Variants in ZFYVE1 observed in about 807,000 individuals in gnomAD.
ZFYVE1 encodes the protein zinc finger FYVE domain-containing protein 1.
ZFYVE1 carries 30 observed loss-of-function variants against 74.4 expected under a neutral mutation model. The ratio of observed to expected loss-of-function variants is 0.40; its 90% CI spans 0.30 to 0.55. The LOEUF (loss-of-function observed/expected upper bound fraction) is 0.55, where lower values mean the gene tolerates loss of function less well. Ranked by LOEUF, ZFYVE1 falls within the 20% of genes least tolerant of loss-of-function variation. ZFYVE1 has a pLI of 0.42. For synonymous variants in ZFYVE1, 335 were observed against 385.1 expected, an observed-to-expected ratio of 0.87 and a Z score of 1.52; for missense variants, 703 against 1,011.6, an observed-to-expected ratio of 0.69 and a Z score of 4.14.
At position 73,024,479 on chromosome 14, in the gene ZFYVE1, C is replaced by G. The variant is rs377064535; in HGVS notation, c.30G>C (p.Lys10Asn). ...GGCACATCAGCCCCGGATTCAGGCCCTTCTCTGCTGGGGAAGTCTGGGCAC... is the reference window on the plus strand; with the variant it reads ...GGCACATCAGCCCCGGATTCAGGCCGTTCTCTGCTGGGGAAGTCTGGGCAC... MSAQTSPAE[K>N]GLNPGLMCQE... is the part of the protein sequence containing the mutation. The change falls in exon 2 of 12, where the codon AAG (lysine) becomes AAC (asparagine). Residue 10 changes from lysine (K) to asparagine (N), a missense_variant. Lys to Asn is a moderately conservative substitution (Grantham distance 94). Coordinates refer to ENST00000556143, the MANE Select transcript of ZFYVE1 (RefSeq NM_021260.4). 5 of 1,610,852 alleles carry G rather than the reference C, an allele frequency of 3.1e-6. No individual in the cohort carries two copies. The South Asian group carries it at 4.4e-5, about 14-fold the overall frequency.
chr14:73,001,295 T>A (rs777748411), intron 2 of ZFYVE1, among the ~76,000 whole-genome samples: 7 of 152,224 alleles, frequency 4.6e-5, no homozygotes, highest in Non-Finnish European at 8.8e-5. Flanking sequence ...TTGGAAATTG[T>A]GTCCTGAATC....
intron 2 of ZFYVE1, among the ~76,000 whole-genome samples, chr14:73,022,831 C>T (rs1325765043): frequency 6.6e-6 from 1 of 152,112 alleles, no homozygotes; most frequent in Non-Finnish European, 1.5e-5. Context: ...TCTGTACTCC[C>T]AGATGCCCCT....
At chr14:72,981,767 G>A (rs772313820) in intron 5 of ZFYVE1, 22 bp downstream of exon 5, 1 of 1,608,630 alleles carries the variant, frequency 6.2e-7, no homozygotes, top group Admixed American at 1.7e-5. Flanking sequence ...GGGGTGGGAG[G>A]TGGGGGAGCG....
At chr14:72,973,213 G>C (rs1041098045) in intron 11 of ZFYVE1, among the ~76,000 whole-genome samples, 1 of 150,970 alleles carries the variant, frequency 6.6e-6, no homozygotes, top group African/African-American at 2.4e-5. Flanking sequence ...CTTCAGCCAG[G>C]CACAGTGGCT....
intron 2 of ZFYVE1, among the ~76,000 whole-genome samples, chr14:73,005,326 G>A (rs1403171071): frequency 2.6e-5 from 4 of 152,132 alleles, no homozygotes; most frequent in African/African-American, 7.2e-5. Context: ...TACTTGTTCG[G>A]CTTGTCTACA....
At chr14:73,006,607 C>T (rs1017825305) in intron 2 of ZFYVE1, among the ~76,000 whole-genome samples, 1 of 151,716 alleles carries the variant, frequency 6.6e-6, no homozygotes, top group Non-Finnish European at 1.5e-5. Flanking sequence ...GCACCTCCCT[C>T]TCTCCCTCCA....
At chr14:73,004,993 CAA>C (rs34755612) in intron 2 of ZFYVE1, among the ~76,000 whole-genome samples, 24 of 116,718 alleles carry the variant, frequency 2.1e-4, no homozygotes, top group Admixed American at 2.8e-4. Context: ...GACCCCGTCT[CAA>C]AAAAAAAAAA....
intron 2 of ZFYVE1, among the ~76,000 whole-genome samples, chr14:73,009,095 T>C (rs1894036873): frequency 6.6e-6 from 1 of 152,088 alleles, no homozygotes; most frequent in African/African-American, 2.4e-5. Flanking sequence ...CAAGACACAA[T>C]TGATCAATAA....
intron 5 of ZFYVE1, among the ~76,000 whole-genome samples, chr14:72,981,350 T>A (rs1452159446): frequency 6.6e-6 from 1 of 152,118 alleles, no homozygotes; most frequent in Non-Finnish European, 1.5e-5. Flanking sequence ...GTGAAAGGAA[T>A]CACCTGGAAT....
At chr14:73,014,966 G>A (rs893151532) in intron 2 of ZFYVE1, among the ~76,000 whole-genome samples, 3 of 152,046 alleles carry the variant, frequency 2.0e-5, no homozygotes, top group Non-Finnish European at 4.4e-5. Context: ...CGGGTGCAGT[G>A]GCTCATGCCT....
intron 2 of ZFYVE1, among the ~76,000 whole-genome samples, chr14:73,023,080 G>T (rs1007587698): frequency 6.7e-6 from 1 of 149,804 alleles, no homozygotes; most frequent in African/African-American, 2.5e-5. Flanking sequence ...AAAATCGCTT[G>T]AATCCAGGAA....
Position 73,024,559 on chromosome 14 carries a change from C to G in ZFYVE1, c.-51G>C, listed in dbSNP as rs2140394718. ...CACCATATAATAGTCACTGAGCTTG[C>G]CCCGGGGGTGAAGACGAAGATTTGA... is the stretch of plus-strand genomic sequence containing the variant. On this transcript the variant is annotated 5_prime_UTR_variant, in exon 2 of 12. Transcript: ENST00000556143. 1.3e-6 allele frequency: 2 copies of G among 1,527,016 alleles called. No homozygotes were observed. Among genetic ancestry groups the G allele is most frequent in the Non-Finnish European group, 1.8e-6 (2 of 1,138,278 alleles). The allele number at this position is 1,527,016 out of a possible 1,614,324, so 94.6% of individuals were successfully genotyped here.
intron 4 of ZFYVE1, among the ~76,000 whole-genome samples, chr14:72,992,086 T>C (rs888947353): frequency 6.6e-6 from 1 of 152,076 alleles, no homozygotes; most frequent in African/African-American, 2.4e-5. Flanking sequence ...TTTTTGTATT[T>C]TTAGTAGAAA....
chr14:73,007,275 C>G (rs1490230261), intron 2 of ZFYVE1, among the ~76,000 whole-genome samples: 3 of 152,098 alleles, frequency 2.0e-5, no homozygotes, highest in Admixed American at 2.0e-4. Flanking sequence ...GAAGTTAAAC[C>G]CCAACAAACC....
At chr14:73,003,394 C>T (rs1172123169) in intron 2 of ZFYVE1, among the ~76,000 whole-genome samples, 1 of 152,088 alleles carries the variant, frequency 6.6e-6, no homozygotes, top group African/African-American at 2.4e-5. Flanking sequence ...AATATACAGA[C>T]CACTCAGTGT....
chr14:72,978,211 T>C lies in ZFYVE1; in HGVS notation c.1443A>G (p.Glu481=). The C allele has an allele frequency of 1.2e-6, 2 of 1,614,090 alleles. No homozygotes were observed. The highest frequency in any genetic ancestry group is 1.7e-6 in the Non-Finnish European group (2 of 1,179,986). ...CAGATGTTTTGGGCACTACACTGAC[T>C]TCCTCGCCTCTCTCATAGCAGGCCT... The part of the protein sequence containing the change: ...TCKACYERGE[E]VSVVPKTSAS... The change falls in exon 7 of 12, where the codon GAA becomes GAG. Residue 481 remains glutamate (E), a synonymous_variant. Coordinates refer to ENST00000556143, the MANE Select transcript of ZFYVE1 (RefSeq NM_021260.4).
At chr14:73,019,705 G>A (rs1396084365) in intron 2 of ZFYVE1, among the ~76,000 whole-genome samples, 1 of 152,164 alleles carries the variant, frequency 6.6e-6, no homozygotes, top group Non-Finnish European at 1.5e-5. Context: ...TGTAATCCCA[G>A]CACTTTGGGA....
chr14:72,980,903 A>C (rs967742035), intron 5 of ZFYVE1, among the ~76,000 whole-genome samples: 1 of 152,202 alleles, frequency 6.6e-6, no homozygotes, highest in Admixed American at 6.5e-5. Flanking sequence ...GCCCTATCTC[A>C]GACCTACTGA....
chr14:73,004,534 C>T (rs1893937931), intron 2 of ZFYVE1, among the ~76,000 whole-genome samples: 1 of 152,034 alleles, frequency 6.6e-6, no homozygotes, highest in Admixed American at 6.6e-5. Context: ...ACCACTTAGC[C>T]ATTTGGTATT....
Sources: gnomAD v4.1 joint callset for allele counts (sites outside exome capture counted in the v4.1 genomes callset) on GRCh38, gnomAD v4.1.1 for gene constraint, MANE v1.5 for transcripts, NCBI Gene and HGNC (gene_info 2026-07-23, HGNC 2026-07-21) for gene names.